The following ALOX5 variants were observed in gnomAD, a reference collection of about 807,000 sequenced individuals.
ALOX5 encodes the protein arachidonate 5-lipoxygenase.
A neutral mutation model predicts 87.9 loss-of-function variants in ALOX5; 64 were observed. The observed-to-expected ratio is 0.73, with a 90% CI of 0.60 to 0.90. The LOEUF (loss-of-function observed/expected upper bound fraction) is 0.90. Ranked by LOEUF, ALOX5 falls within the 40% of genes least tolerant of loss-of-function variation. ALOX5 has a pLI of 0.00. For missense variants in ALOX5, 822 were observed against 907.5 expected, an observed-to-expected ratio of 0.91 and a Z score of 1.21; for synonymous variants, 388 against 355.1, an observed-to-expected ratio of 1.09 and a Z score of -1.04.
intron 4 of ALOX5, among the ~76,000 whole-genome samples, chr10:45,417,379 G>A (rs1273481987): frequency 2.0e-5 from 3 of 152,188 alleles, no homozygotes; most frequent in African/African-American, 7.2e-5. Flanking sequence ...GTGGATTCCA[G>A]TGTATAGCCA....
Position 45,443,494 on chromosome 10 carries a change from GAAC to G in ALOX5, c.1531_1533del (p.Asn511del). 6.2e-7 allele frequency: 1 copy of G among 1,613,276 alleles called. No homozygotes were observed. Among genetic ancestry groups the G allele is most frequent in the Non-Finnish European group, 8.5e-7 (1 of 1,179,614 alleles). On this transcript the variant is annotated inframe_deletion, in exon 11 of 14. Transcript: ENST00000374391. ...AGGACCCGGAGCTGCAGGACTTCGT[GAAC>G]GATGTCTACGTGTACGGCATGCGGG...
At position 45,425,194 on chromosome 10, in the gene ALOX5, C is replaced by T; in HGVS notation, c.834+62C>T. 6.5e-7 allele frequency: 1 copy of T among 1,546,988 alleles called. No individual in the cohort carries two copies. The highest frequency in any genetic ancestry group is 8.7e-7 in the Non-Finnish European group (1 of 1,142,992). ...CAGTCTGTCAGGTGGAAGCCAGTTC[C>T]TCCTGGCCAGTGCTCATAGGCCACC... is the stretch of plus-strand genomic sequence containing the variant. On this transcript the variant is annotated intron_variant, in intron 6 of 13. Coordinates refer to ENST00000374391, the MANE Select transcript of ALOX5 (RefSeq NM_000698.5). This position sits in a 1 kb window ranked among gnomAD's most constrained non-coding sequence, Gnocchi z 4.4.
chr10:45,376,179 A>G lies in ALOX5; in HGVS notation c.150+1750A>G, dbSNP rs1264614025. On this transcript the variant is annotated intron_variant, in intron 1 of 13. Transcript: ENST00000374391. ...GAGTGAAGGCACTGTTTTGTCCACT[A>G]TCTCCCTCTCTCGGTCTGTCTTCCC... Among the ~76,000 whole-genome samples, 6 of 137,364 alleles carry G rather than the reference A, an allele frequency of 4.4e-5. No homozygotes were observed. The East Asian group carries it at 1.3e-3, about 30-fold the overall frequency. 90.1% of individuals were successfully genotyped at this position (137,364 alleles called of 152,430 possible).
At chr10:45,437,420 T>G (rs2132844446) in intron 7 of ALOX5, among the ~76,000 whole-genome samples, 1 of 152,384 alleles carries the variant, frequency 6.6e-6, no homozygotes, top group Non-Finnish European at 1.5e-5. Context: ...TCAAAAGTTT[T>G]TTTTTTGTTA....
intron 1 of ALOX5, among the ~76,000 whole-genome samples, chr10:45,375,369 C>T (rs1282947512): frequency 6.6e-6 from 1 of 152,194 alleles, no homozygotes; most frequent in Non-Finnish European, 1.5e-5. Context: ...AGTGCCTAAT[C>T]CAGTACCTGG....
chr10:45,377,652 T>C (rs1839670638), intron 1 of ALOX5, among the ~76,000 whole-genome samples: 1 of 152,008 alleles, frequency 6.6e-6, no homozygotes, highest in African/African-American at 2.4e-5. Flanking sequence ...TGGCCCCCAA[T>C]CTTCCTCTCT....
rs1486337755 is a variant in ALOX5, at chr10:45,445,969, G to C, written c.*282G>C. ...CAACAGCAAATCACGACCACTGATA[G>C]ATGTCTATTCTTGTTGGAGACATGG... On this transcript the variant is annotated 3_prime_UTR_variant, in exon 14 of 14. Transcript: ENST00000374391. 16 of 406,846 alleles carry C rather than the reference G, an allele frequency of 3.9e-5. No homozygotes were observed. The highest frequency in any genetic ancestry group is 8.1e-5 in the Admixed American group (2 of 24,708). 25.2% of individuals were successfully genotyped at this position (406,846 alleles called of 1,614,324 possible).
At chr10:45,392,269 G>T (rs1445557754) in intron 2 of ALOX5, among the ~76,000 whole-genome samples, 1 of 152,206 alleles carries the variant, frequency 6.6e-6, no homozygotes, top group Non-Finnish European at 1.5e-5. Flanking sequence ...ATAGAAAAGG[G>T]GGAAAGGTGG....
chr10:45,388,958 G>A (rs74479551), intron 2 of ALOX5, among the ~76,000 whole-genome samples: 5 of 152,170 alleles, frequency 3.3e-5, no homozygotes, highest in Admixed American at 6.5e-5. Context: ...AAGATTAGAC[G>A]AATGGCTAAC....
chr10:45,410,428 A>T (rs181226017), intron 3 of ALOX5, among the ~76,000 whole-genome samples: 112 of 152,364 alleles, frequency 7.4e-4, no homozygotes, highest in Middle Eastern at 3.4e-3. Flanking sequence ...ATTCTAAATA[A>T]ACCAACAGTG....
chr10:45,429,273 G>A (rs1841836947), intron 7 of ALOX5, among the ~76,000 whole-genome samples: 1 of 152,196 alleles, frequency 6.6e-6, no homozygotes, highest in African/African-American at 2.4e-5. Flanking sequence ...CCTGGCACCA[G>A]CCTGCTGCCA....
At chr10:45,394,798 T>C (rs951813543) in intron 2 of ALOX5, among the ~76,000 whole-genome samples, 2 of 152,126 alleles carry the variant, frequency 1.3e-5, no homozygotes, top group African/African-American at 2.4e-5. Flanking sequence ...GGGCGAAGGA[T>C]ATGAACAGAC....
At position 45,425,273 on chromosome 10, in the gene ALOX5, C is replaced by CTGACACTGCTGCCAGGAAA; in HGVS notation, c.834+141_834+142insTGACACTGCTGCCAGGAAA. The stretch of plus-strand genomic sequence containing the variant: ...TACAGCAGCCGCTTCCTTTTCCTGG[C>CTGACACTGCTGCCAGGAAA]AGCAGTGTCAGCCAGGGTCCTGGGC... On this transcript the variant is annotated intron_variant, in intron 6 of 13. Transcript: ENST00000374391. The surrounding 1 kb of genome is among the most constrained non-coding windows in gnomAD (Gnocchi z 4.4). 2 of 993,672 alleles carry CTGACACTGCTGCCAGGAAA rather than the reference C, an allele frequency of 2.0e-6. No individual in the cohort carries two copies. The highest frequency in any genetic ancestry group is 1.4e-6 in the Non-Finnish European group (1 of 694,724). The allele number at this position is 993,672 out of a possible 1,614,324, so 61.6% of individuals were successfully genotyped here.
intron 7 of ALOX5, 150 bp from the exon 8 acceptor site, chr10:45,440,280 G>C (rs968129739): frequency 4.6e-5 from 35 of 762,702 alleles, no homozygotes; most frequent in Non-Finnish European, 6.1e-5. Flanking sequence ...ACCACCGCAG[G>C]GCCCTTTACC....
intron 13 of ALOX5, 131 bp downstream of exon 13, chr10:45,444,417 G>GGCCCA: frequency 1.6e-6 from 2 of 1,280,818 alleles, no homozygotes; most frequent in Non-Finnish European, 2.1e-6. Context: ...AGGCTGGAAG[G>GGCCCA]GCCCAGAAGG....
rs545660694 is a variant in ALOX5, at chr10:45,419,492, C to T, written c.555-4549C>T. On this transcript the variant is annotated intron_variant, in intron 4 of 13. Coordinates refer to ENST00000374391, the MANE Select transcript of ALOX5 (RefSeq NM_000698.5). Reference sequence around the variant, plus strand: ...CTAGGGGGTGGGCTCTGAGGGCAGCCACTCCCACCGGCCCTCCCCCAGCCC... The same window carrying T: ...CTAGGGGGTGGGCTCTGAGGGCAGCTACTCCCACCGGCCCTCCCCCAGCCC... 8.0e-4 allele frequency among the ~76,000 whole-genome samples: 122 copies of T among 152,288 alleles called. 1 individual carries two copies. Among genetic ancestry groups the T allele is most frequent in the African/African-American group, 2.8e-3 (118 of 41,566 alleles).
At chr10:45,422,548 C>A (rs538019158) in intron 4 of ALOX5, among the ~76,000 whole-genome samples, 2 of 152,212 alleles carry the variant, frequency 1.3e-5, no homozygotes, top group African/African-American at 4.8e-5. Flanking sequence ...CTGCATGAGC[C>A]CCTCTGGACA....
intron 11 of ALOX5, 79 bp from the exon 12 acceptor site, chr10:45,443,649 G>C: frequency 6.3e-7 from 1 of 1,591,746 alleles, no homozygotes; most frequent in South Asian, 1.1e-5. Flanking sequence ...CTTGGGGCAG[G>C]GAATCCGGGC....
At chr10:45,408,542 GA>G (rs1840958838) in intron 3 of ALOX5, among the ~76,000 whole-genome samples, 1 of 152,224 alleles carries the variant, frequency 6.6e-6, no homozygotes, top group South Asian at 2.1e-4. Context: ...GCTTCAGGTA[GA>G]ATCAATTGTA....
Sources: gnomAD v4.1 joint callset for allele counts (sites outside exome capture counted in the v4.1 genomes callset) on GRCh38, gnomAD v4.1.1 for gene constraint, Gnocchi (gnomAD v3.1) non-coding constraint, MANE v1.5 for transcripts, NCBI Gene and HGNC (gene_info 2026-07-23, HGNC 2026-07-21) for gene names.